The following RALYL variants were observed in gnomAD, a reference collection of about 807,000 sequenced individuals.
RALYL encodes RALY RNA binding protein like.
Under a neutral mutation model 35.1 loss-of-function variants are expected in RALYL, and 29 were observed. That is an observed-to-expected ratio of 0.83 (90% CI 0.61 to 1.13). RALYL has a LOEUF of 1.13. RALYL is among the 50% of genes most tolerant of loss of function. RALYL has a pLI of 0.00. For synonymous variants in RALYL, 120 were observed against 127.6 expected, an observed-to-expected ratio of 0.94 and a Z score of 0.40; for missense variants, 359 against 360.4, an observed-to-expected ratio of 1.00 and a Z score of 0.03.
At chr8:84,597,656 A>G (rs1332041350) in intron 2 of RALYL, among the ~76,000 whole-genome samples, 1 of 152,132 alleles carries the variant, frequency 6.6e-6, no homozygotes, top group Non-Finnish European at 1.5e-5. Flanking sequence ...ATAAACCCCC[A>G]AAAATGTTTT....
At chr8:84,316,530 G>A (rs992193794) in intron 1 of RALYL, among the ~76,000 whole-genome samples, 1 of 152,090 alleles carries the variant, frequency 6.6e-6, no homozygotes, top group Non-Finnish European at 1.5e-5. Flanking sequence ...TAGTAGGTAT[G>A]ATTAAATCTG....
At chr8:84,674,117 T>G (rs1833763694) in intron 2 of RALYL, among the ~76,000 whole-genome samples, 1 of 152,152 alleles carries the variant, frequency 6.6e-6, no homozygotes, top group Non-Finnish European at 1.5e-5. Flanking sequence ...TTCCTAAGTA[T>G]TTTATCCTTT....
intron 8 of RALYL, among the ~76,000 whole-genome samples, chr8:84,899,715 C>A (rs372912213): frequency 6.6e-6 from 1 of 152,102 alleles, no homozygotes; most frequent in Non-Finnish European, 1.5e-5. Context: ...TTGACTCTAT[C>A]GTGTTGGTTT....
intron 1 of RALYL, among the ~76,000 whole-genome samples, chr8:84,207,893 C>T (rs968316661): frequency 2.0e-5 from 3 of 150,392 alleles, no homozygotes; most frequent in Non-Finnish European, 4.4e-5. Context: ...TGTCATACCT[C>T]GATTAGGGAA....
At chr8:84,538,995 T>C (rs907160913) in intron 2 of RALYL, among the ~76,000 whole-genome samples, 1 of 152,228 alleles carries the variant, frequency 6.6e-6, no homozygotes, top group Non-Finnish European at 1.5e-5. Context: ...TTGAGTATAA[T>C]CATGAAGAAA....
intron 2 of RALYL, among the ~76,000 whole-genome samples, chr8:84,770,406 T>TCATATATATATACATATATATATATATA (rs550466476): frequency 0.22 from 32,604 of 149,312 alleles, 3,791 homozygotes; most frequent in Non-Finnish European, 0.24. Context: ...TAGTAGTCCA[T>TCATATATATATACATATATATATATATA]CATATATATA....
chr8:84,371,561 AC>A (rs1855710047), intron 1 of RALYL, among the ~76,000 whole-genome samples: 1 of 151,520 alleles, frequency 6.6e-6, no homozygotes, highest in African/African-American at 2.4e-5. Flanking sequence ...ACACACACAC[AC>A]ACACACACAC....
At chr8:84,685,851 T>C (rs1421021613) in intron 2 of RALYL, among the ~76,000 whole-genome samples, 5 of 152,184 alleles carry the variant, frequency 3.3e-5, no homozygotes, top group Non-Finnish European at 7.3e-5. Flanking sequence ...TGGTTTGCTT[T>C]TGGAAGTGAG....
intron 1 of RALYL, among the ~76,000 whole-genome samples, chr8:84,452,026 A>G (rs2049533300): frequency 6.6e-6 from 1 of 151,948 alleles, no homozygotes; most frequent in East Asian, 1.9e-4. Flanking sequence ...TGTGCCCTTT[A>G]TTGCCAACAG....
chr8:84,575,497 T>A lies in RALYL; in HGVS notation c.256+45920T>A, dbSNP rs1034190616. ...TGGTCAATAATTGTCTAGTGCAGCA[T>A]GGAAAGTGTTCTTCCTCACAAGATT... On this transcript the variant is annotated intron_variant, in intron 2 of 8. Transcript: ENST00000521268. 2.6e-5 allele frequency among the ~76,000 whole-genome samples: 4 copies of A among 152,206 alleles called. No homozygotes were observed. The East Asian group carries it at 7.7e-4, about 29-fold the overall frequency.
At chr8:84,423,714 T>G (rs910716284) in intron 1 of RALYL, among the ~76,000 whole-genome samples, 1 of 151,926 alleles carries the variant, frequency 6.6e-6, no homozygotes, top group Non-Finnish European at 1.5e-5. Flanking sequence ...TGTTTAGTGC[T>G]TCCTTCAGGA....
At chr8:84,340,025 T>G (rs767956264) in intron 1 of RALYL, among the ~76,000 whole-genome samples, 1 of 152,136 alleles carries the variant, frequency 6.6e-6, no homozygotes, top group South Asian at 2.1e-4. Flanking sequence ...ATAATTCTCA[T>G]GAGATCTGAT....
At chr8:84,837,250 G>C (rs866825699) in intron 4 of RALYL, among the ~76,000 whole-genome samples, 5 of 152,148 alleles carry the variant, frequency 3.3e-5, no homozygotes, top group Admixed American at 2.0e-4. Context: ...ATGTTTTACT[G>C]ATAATGTTAT....
chr8:84,603,412 GA>G (rs1419951101), intron 2 of RALYL, among the ~76,000 whole-genome samples: 1 of 151,792 alleles, frequency 6.6e-6, no homozygotes, highest in Non-Finnish European at 1.5e-5. Context: ...ATTCCTTTGG[GA>G]TTTAAATGGA....
intron 1 of RALYL, among the ~76,000 whole-genome samples, chr8:84,333,077 C>T (rs980223777): frequency 7.2e-5 from 11 of 152,126 alleles, no homozygotes; most frequent in Non-Finnish European, 1.5e-4. Flanking sequence ...ACTTTAGAAT[C>T]CATTTACATT....
At chr8:84,619,829 A>T (rs2131041063) in intron 2 of RALYL, among the ~76,000 whole-genome samples, 1 of 151,806 alleles carries the variant, frequency 6.6e-6, no homozygotes, top group Non-Finnish European at 1.5e-5. Context: ...TCTGTAAAGT[A>T]TTCTATTTCT....
chr8:84,368,817 C>T (rs1469447803), intron 1 of RALYL, among the ~76,000 whole-genome samples: 2 of 152,092 alleles, frequency 1.3e-5, no homozygotes, highest in African/African-American at 4.8e-5. Context: ...GGTGGGGACA[C>T]AACCAAACCA....
chr8:84,191,191 TG>T (rs1813782112), intron 1 of RALYL, among the ~76,000 whole-genome samples: 1 of 150,150 alleles, frequency 6.7e-6, no homozygotes, highest in Non-Finnish European at 1.5e-5. Flanking sequence ...ATTGTGTGTG[TG>T]TGTGTGTGTG....
At chr8:84,325,224 C>A (rs1845588382) in intron 1 of RALYL, among the ~76,000 whole-genome samples, 1 of 152,148 alleles carries the variant, frequency 6.6e-6, no homozygotes, top group Non-Finnish European at 1.5e-5. Flanking sequence ...TCATTATCGT[C>A]AGGAAATATA....
Sources: gnomAD v4.1 joint callset for allele counts (sites outside exome capture counted in the v4.1 genomes callset) on GRCh38, gnomAD v4.1.1 for gene constraint, MANE v1.5 for transcripts, NCBI Gene and HGNC (gene_info 2026-07-23, HGNC 2026-07-21) for gene names.